TEX11: variants seen among roughly 807,000 people sequenced by gnomAD.
TEX11 encodes testis-expressed protein 11.
A neutral mutation model predicts 84.4 loss-of-function variants in TEX11; 7 were observed. The observed-to-expected ratio is 0.08, with a 90% CI of 0.05 to 0.16. The LOEUF (loss-of-function observed/expected upper bound fraction) is 0.16, where lower values mean the gene tolerates loss of function less well. Among genes scored for constraint, TEX11 ranks in the 10% least tolerant of loss-of-function variants. The probability of loss-of-function intolerance (pLI) is 1.00; values close to 1 mark genes in which losing one functional copy is unlikely to be tolerated. For missense variants in TEX11, 551 were observed against 660.5 expected (o/e 0.83, Z 1.82); for synonymous variants, 264 against 222.8 (o/e 1.18, Z -1.64).
chrX:70,816,352 G>C (rs73544800), intron 8 of TEX11, among the ~76,000 whole-genome samples: 6,179 of 111,497 alleles, frequency 0.055, 357 homozygotes, highest in South Asian at 0.16. Context: ...TATTTTTATA[G>C]TTCTATAATT....
At chrX:70,816,990 A>AT (rs2091289836) in intron 8 of TEX11, among the ~76,000 whole-genome samples, 1 of 110,624 alleles carries the variant, frequency 9.0e-6, no homozygotes, top group African/African-American at 3.3e-5. Context: ...TACATTAAGG[A>AT]TAATTGAAGC....
intron 3 of TEX11, 33 bp from the exon 4 acceptor site, chrX:70,873,340 A>G (rs773528196): frequency 1.1e-6 from 1 of 931,786 alleles, no homozygotes; most frequent in South Asian, 2.0e-5. Flanking sequence ...TTAGTTAGTT[A>G]AAATACTGGC....
At chrX:70,656,574 G>A (rs770376706) in intron 16 of TEX11, among the ~76,000 whole-genome samples, 4 of 111,947 alleles carry the variant, frequency 3.6e-5, no homozygotes, top group Non-Finnish European at 7.5e-5. Context: ...ACAAAACTGA[G>A]TGACAAAATA....
intron 9 of TEX11, among the ~76,000 whole-genome samples, chrX:70,750,596 A>G (rs1182572044): frequency 9.4e-6 from 1 of 105,870 alleles, no homozygotes; most frequent in Non-Finnish European, 1.9e-5. Context: ...CAGCCATAAA[A>G]AATGATGAGT....
Position 70,741,565 on chromosome X carries a change from G to A in TEX11, c.748-769C>T, listed in dbSNP as rs533112920. Reference sequence around the variant, plus strand: ...TCATCAAGCTGTACACTTGAGACTTGTGAAGTTTACTGTATATAAATTACA... The same window carrying A: ...TCATCAAGCTGTACACTTGAGACTTATGAAGTTTACTGTATATAAATTACA... On this transcript the variant is annotated intron_variant, in intron 10 of 29. Coordinates refer to ENST00000374333, the MANE Select transcript of TEX11 (RefSeq NM_031276.3). 1.9e-3 allele frequency among the ~76,000 whole-genome samples: 207 copies of A among 111,461 alleles called. 1 individual carries two copies. The highest frequency in any genetic ancestry group is 6.6e-3 in the African/African-American group (203 of 30,711).
chrX:70,865,166 G>T (rs1298675162), intron 4 of TEX11, among the ~76,000 whole-genome samples: 1 of 111,303 alleles, frequency 9.0e-6, no homozygotes, highest in Non-Finnish European at 1.9e-5. Flanking sequence ...CACACACAGA[G>T]ACACACATAG....
At chrX:70,610,233 AC>A (rs1232316683) in intron 21 of TEX11, among the ~76,000 whole-genome samples, 1 of 60,010 alleles carries the variant, frequency 1.7e-5, no homozygotes, top group African/African-American at 6.8e-5. Context: ...GGAGGGAGGG[AC>A]GGGAGGGAGG....
chrX:70,533,340 T>C (rs2087913597), intron 28 of TEX11, among the ~76,000 whole-genome samples: 1 of 111,577 alleles, frequency 9.0e-6, no homozygotes, highest in African/African-American at 3.3e-5. Context: ...TTTAAACAAG[T>C]TGGCTTGAGG....
chrX:70,572,998 TAATA>T (rs764355373), intron 25 of TEX11, among the ~76,000 whole-genome samples: 4 of 111,294 alleles, frequency 3.6e-5, no homozygotes, highest in East Asian at 5.6e-4. Flanking sequence ...ACTTAAAGTA[TAATA>T]AATAAATAAA....
chrX:70,897,649 AAGGAAGGAAG>A, intron 2 of TEX11: 1 of 93,006 alleles, frequency 1.1e-5, no homozygotes, highest in African/African-American at 4.2e-5. Context: ...GGAAGGAAGG[AAGGAAGGAAG>A]GAAGGAAAAC....
intron 15 of TEX11, among the ~76,000 whole-genome samples, chrX:70,674,405 G>C (rs2090051425): frequency 9.0e-6 from 1 of 111,118 alleles, no homozygotes; most frequent in African/African-American, 3.3e-5. Context: ...TATTCCTCTG[G>C]GTATATATCC....
chrX:70,573,334 A>G (rs2088630858), intron 25 of TEX11, among the ~76,000 whole-genome samples: 1 of 111,825 alleles, frequency 8.9e-6, no homozygotes, highest in African/African-American at 3.2e-5. Flanking sequence ...AAAAGTGAAG[A>G]CTTTTAGGAT....
chrX:70,817,390 A>T (rs756389634), intron 8 of TEX11, among the ~76,000 whole-genome samples: 13 of 111,363 alleles, frequency 1.2e-4, no homozygotes, highest in Non-Finnish European at 2.3e-4. Context: ...TTTTCTACTA[A>T]AATAAATAAG....
chrX:70,820,543 C>T (rs753925450), intron 8 of TEX11, among the ~76,000 whole-genome samples: 2 of 111,992 alleles, frequency 1.8e-5, no homozygotes, highest in South Asian at 7.5e-4. Context: ...ATGGCACCAA[C>T]AGCTTCTCAG....
chrX:70,723,392 A>AAATG (rs1299515951), intron 12 of TEX11, among the ~76,000 whole-genome samples: 1 of 111,893 alleles, frequency 8.9e-6, no homozygotes, highest in Non-Finnish European at 1.9e-5. Context: ...AAAGTGGAAA[A>AAATG]AATGAATATA....
At chrX:70,601,365 G>A (rs1468426496) in intron 24 of TEX11, among the ~76,000 whole-genome samples, 26 of 88,905 alleles carry the variant, frequency 2.9e-4, no homozygotes, top group African/African-American at 9.8e-4. Flanking sequence ...CTGAAATTGT[G>A]GCAATAATCA....
intron 13 of TEX11, among the ~76,000 whole-genome samples, chrX:70,687,541 T>A (rs922161938): frequency 9.0e-6 from 1 of 111,269 alleles, no homozygotes; most frequent in Non-Finnish European, 1.9e-5. Context: ...AGAGAATAAA[T>A]TTCTGTTGTT....
intron 9 of TEX11, among the ~76,000 whole-genome samples, chrX:70,777,811 A>C (rs1259893205): frequency 2.7e-5 from 3 of 112,001 alleles, no homozygotes; most frequent in Non-Finnish European, 5.6e-5. Flanking sequence ...ATCAAGTCAC[A>C]AAGGAAGACA....
intron 5 of TEX11, among the ~76,000 whole-genome samples, chrX:70,859,969 T>C (rs960237419): frequency 9.0e-6 from 1 of 111,320 alleles, no homozygotes; most frequent in Non-Finnish European, 1.9e-5. Flanking sequence ...CGAGCCCAGA[T>C]CACACCACTG....
Sources: gnomAD v4.1 joint callset for allele counts (sites outside exome capture counted in the v4.1 genomes callset) on GRCh38, gnomAD v4.1.1 for gene constraint, MANE v1.5 for transcripts, NCBI Gene and HGNC (gene_info 2026-07-23, HGNC 2026-07-21) for gene names.